The following SGCD variants were observed in gnomAD, a reference collection of about 807,000 sequenced individuals.
SGCD encodes delta-sarcoglycan.
Under a neutral mutation model 36.6 loss-of-function variants are expected in SGCD, and 18 were observed. The ratio of observed to expected loss-of-function variants is 0.49; its 90% CI spans 0.34 to 0.73. SGCD has a LOEUF of 0.73. SGCD is among the 30% of genes least tolerant of loss of function. The pLI is 0.01. For synonymous variants in SGCD, 133 were observed against 130.6 expected (o/e 1.02, Z -0.12); for missense variants, 387 against 346.7 (o/e 1.12, Z -0.92).
At chr5:156,386,204 T>C (rs1771269329) in intron 3 of SGCD, among the ~76,000 whole-genome samples, 1 of 152,192 alleles carries the variant, frequency 6.6e-6, no homozygotes, top group South Asian at 2.1e-4. Flanking sequence ...AGCAGTGTGA[T>C]CTGAGGACCC....
At chr5:156,210,064 C>T (rs1430998693) in intron 3 of SGCD, among the ~76,000 whole-genome samples, 2 of 152,184 alleles carry the variant, frequency 1.3e-5, no homozygotes, top group African/African-American at 4.8e-5. Context: ...TGCAGGCCTG[C>T]CCTCATGGGT....
chr5:156,055,956 A>C (rs1760046483), intron 1 of SGCD, among the ~76,000 whole-genome samples: 1 of 146,354 alleles, frequency 6.8e-6, no homozygotes, highest in African/African-American at 2.5e-5. Flanking sequence ...AAAACTTACA[A>C]AATGTGTTAG....
intron 1 of SGCD, among the ~76,000 whole-genome samples, chr5:155,982,923 TTAGA>T (rs35729340): frequency 0.018 from 2,690 of 152,234 alleles, 62 homozygotes; most frequent in African/African-American, 0.061. Context: ...CATTTCTGCC[TTAGA>T]TAGATAACCC....
chr5:156,705,968 A>G (rs988515450), intron 7 of SGCD, among the ~76,000 whole-genome samples: 2 of 152,174 alleles, frequency 1.3e-5, no homozygotes, highest in African/African-American at 4.8e-5. Context: ...TCAATCAACC[A>G]CCTGGTATAA....
chr5:156,265,989 G>A (rs1445072161), intron 3 of SGCD, among the ~76,000 whole-genome samples: 1 of 152,022 alleles, frequency 6.6e-6, no homozygotes, highest in Non-Finnish European at 1.5e-5. Flanking sequence ...ATGAGTACAT[G>A]GTATAGATAT....
chr5:155,875,598 C>T (rs937196020), intron 1 of SGCD, among the ~76,000 whole-genome samples: 1 of 151,138 alleles, frequency 6.6e-6, no homozygotes. Flanking sequence ...AAAGGCATTT[C>T]AATTTATTAT....
chr5:156,294,363 G>C (rs939923174), intron 3 of SGCD, among the ~76,000 whole-genome samples: 1 of 152,022 alleles, frequency 6.6e-6, no homozygotes, highest in African/African-American at 2.4e-5. Context: ...TCAGGAGGCC[G>C]AGGCAAGAGG....
At chr5:156,231,306 G>A (rs891536483) in intron 3 of SGCD, among the ~76,000 whole-genome samples, 1 of 152,210 alleles carries the variant, frequency 6.6e-6, no homozygotes, top group African/African-American at 2.4e-5. Context: ...AGGCCAAGCT[G>A]TGTGGATCAC....
At position 155,975,609 on chromosome 5, in the gene SGCD, C is replaced by CTTTTTTTTTTTTT. The variant is rs763067309; in HGVS notation, c.-282+105210_-282+105222dup. ...TGTGTTATTTATTTTTCTTTCTTTC[C>CTTTTTTTTTTTTT]TTTTTTTTTTTTTTTTTTTTTTTTT... On this transcript the variant is annotated intron_variant, in intron 1 of 9. Coordinates refer to the SGCD transcript ENST00000517913. 3.6e-4 allele frequency among the ~76,000 whole-genome samples: 10 copies of CTTTTTTTTTTTTT among 28,026 alleles called. 4 individuals carry two copies. The highest frequency in any genetic ancestry group is 3.9e-4 in the African/African-American group (3 of 7,622). The allele number at this position is 28,026 out of a possible 152,430, so 18.4% of individuals were successfully genotyped here. A position where few individuals can be genotyped will look rare whatever the true frequency, so the allele number is the denominator to read the frequency against.
At chr5:156,118,777 A>G (rs925090320) in intron 2 of SGCD, among the ~76,000 whole-genome samples, 2 of 152,170 alleles carry the variant, frequency 1.3e-5, no homozygotes, top group Middle Eastern at 3.2e-3. Flanking sequence ...AGATATCTAA[A>G]AGTCACTGGA....
intron 3 of SGCD, among the ~76,000 whole-genome samples, chr5:156,132,123 T>A (rs547940987): frequency 1.3e-5 from 2 of 152,302 alleles, no homozygotes; most frequent in South Asian, 4.1e-4. Flanking sequence ...AATTAGAGAC[T>A]GCTTTTGTGG....
intron 6 of SGCD, among the ~76,000 whole-genome samples, chr5:156,596,720 G>T (rs1185535868): frequency 6.6e-6 from 1 of 151,842 alleles, no homozygotes; most frequent in African/African-American, 2.4e-5. Context: ...GACTCTTAGA[G>T]CTTCATCTCC....
At chr5:155,745,871 T>C in the SGCD span, among the ~76,000 whole-genome samples, 1 of 152,186 alleles carries the variant, frequency 6.6e-6, no homozygotes, top group African/African-American at 2.4e-5. Flanking sequence ...CTGCAATACA[T>C]TGCTTTGGGG....
chr5:156,185,868 G>T (rs879774056), intron 3 of SGCD, among the ~76,000 whole-genome samples: 34,719 of 50,712 alleles, frequency 0.68, 9,774 homozygotes, highest in East Asian at 0.81. Flanking sequence ...GAGAGAGAGA[G>T]AGAGAGAGAG....
chr5:156,631,541 A>G (rs901765747), intron 6 of SGCD, among the ~76,000 whole-genome samples: 2 of 149,424 alleles, frequency 1.3e-5, no homozygotes, highest in African/African-American at 2.5e-5. Flanking sequence ...TTCAGTCTTC[A>G]TAGACGCTAT....
chr5:155,927,548 G>A (rs1757015771), intron 1 of SGCD, among the ~76,000 whole-genome samples: 1 of 152,178 alleles, frequency 6.6e-6, no homozygotes, highest in Non-Finnish European at 1.5e-5. Flanking sequence ...TCGAAAAATG[G>A]GGGCAGTTCT....
intron 3 of SGCD, among the ~76,000 whole-genome samples, chr5:156,260,459 T>G (rs1422385111): frequency 6.6e-6 from 1 of 152,144 alleles, no homozygotes; most frequent in Non-Finnish European, 1.5e-5. Flanking sequence ...TCACATATAT[T>G]TATTCCAAGA....
chr5:156,182,703 A>G (rs777340793), intron 3 of SGCD, among the ~76,000 whole-genome samples: 11 of 152,192 alleles, frequency 7.2e-5, no homozygotes, highest in Non-Finnish European at 1.3e-4. Flanking sequence ...TCAATTCTTC[A>G]TCCCTTTTTG....
At chr5:155,728,486 C>T in the SGCD span, among the ~76,000 whole-genome samples, 2 of 152,198 alleles carry the variant, frequency 1.3e-5, no homozygotes, top group African/African-American at 4.8e-5. Flanking sequence ...GCGAGCTGGG[C>T]TGTGAGCAAG....
Sources: allele counts gnomAD v4.1 joint callset (sites outside exome capture counted in the v4.1 genomes callset), GRCh38; gene constraint gnomAD v4.1.1; transcripts MANE v1.5; gene names NCBI Gene and HGNC (gene_info 2026-07-23, HGNC 2026-07-21).